Variants in HDX observed in about 807,000 individuals in gnomAD.
The protein encoded by HDX is chromosome X open reading frame 43.
A neutral mutation model predicts 45.2 loss-of-function variants in HDX; 19 were observed. The observed-to-expected ratio is 0.42, with a 90% CI of 0.29 to 0.62. The LOEUF is 0.62. HDX is among the 20% of genes least tolerant of loss of function. The pLI is 0.20. For synonymous variants in HDX, 188 were observed against 172.8 expected (o/e 1.09, Z -0.69); for missense variants, 532 against 493.9 (o/e 1.08, Z -0.73).
At chrX:84,429,873 T>A (rs747228408) in intron 5 of HDX, among the ~76,000 whole-genome samples, 11 of 110,536 alleles carry the variant, frequency 1.0e-4, no homozygotes, top group Middle Eastern at 4.7e-3. Flanking sequence ...GACAATTTTT[T>A]AAAAAAACTA....
chrX:84,498,120 A>G (rs916893019), intron 1 of HDX, among the ~76,000 whole-genome samples: 20 of 111,590 alleles, frequency 1.8e-4, no homozygotes, highest in African/African-American at 6.5e-4. Context: ...TAGTTGTTAA[A>G]TAATAGGACA....
chrX:84,323,149 GAC>G (rs2036633154), intron 10 of HDX, among the ~76,000 whole-genome samples: 1 of 111,110 alleles, frequency 9.0e-6, no homozygotes, highest in East Asian at 2.8e-4. Context: ...TGTAAGGGAA[GAC>G]TAACCCCTAT....
intron 5 of HDX, among the ~76,000 whole-genome samples, chrX:84,401,418 CA>C: frequency 8.9e-6 from 1 of 111,892 alleles, no homozygotes. Flanking sequence ...AAACACTTCT[CA>C]AAAGAAGACA....
Position 84,336,779 on chromosome X carries a change from AAG to A in HDX, c.1740+20_1740+21del. The A allele has an allele frequency of 9.8e-7, 1 of 1,017,156 alleles. No homozygotes were observed. Among genetic ancestry groups the A allele is most frequent in the Non-Finnish European group, 1.4e-6 (1 of 731,379 alleles). 83.8% of individuals were successfully genotyped at this position (1,017,156 alleles called of 1,213,427 possible). ...CTTGAAATCAACCATGTAATGAGAAAAGAATTTCAAACTGTACATACCACATT... is the reference window on the plus strand; with the variant it reads ...CTTGAAATCAACCATGTAATGAGAAAAATTTCAAACTGTACATACCACATT... On this transcript the variant is annotated intron_variant, in intron 8 of 10. Transcript: ENST00000373177.
chrX:84,428,987 T>G (rs1390960539), intron 5 of HDX, among the ~76,000 whole-genome samples: 2 of 110,708 alleles, frequency 1.8e-5, no homozygotes, highest in Non-Finnish European at 3.8e-5. Context: ...TCCACTGAAC[T>G]GAATTCACAA....
chrX:84,413,221 T>C (rs2039027888), intron 5 of HDX, among the ~76,000 whole-genome samples: 1 of 112,337 alleles, frequency 8.9e-6, no homozygotes, highest in Non-Finnish European at 1.9e-5. Flanking sequence ...TAAGACACTC[T>C]GGCTTTTTGA....
intron 5 of HDX, among the ~76,000 whole-genome samples, chrX:84,427,370 T>C (rs2148026853): frequency 9.0e-6 from 1 of 111,285 alleles, no homozygotes; most frequent in South Asian, 3.7e-4. Context: ...TGTTTTGATA[T>C]CTGTATGCAC....
At chrX:84,423,641 A>G (rs59392857) in intron 5 of HDX, among the ~76,000 whole-genome samples, 12,632 of 111,236 alleles carry the variant, frequency 0.11, 627 homozygotes, top group South Asian at 0.28. Flanking sequence ...TACCCCTAAG[A>G]TGCAAGGGTG....
chrX:84,426,858 T>A (rs965457943), intron 5 of HDX, among the ~76,000 whole-genome samples: 1 of 110,742 alleles, frequency 9.0e-6, no homozygotes, highest in Non-Finnish European at 1.9e-5. Context: ...ATTGCTTGAG[T>A]GTAGTAATCA....
intron 4 of HDX, among the ~76,000 whole-genome samples, chrX:84,467,831 T>C (rs2040382365): frequency 9.0e-6 from 1 of 111,529 alleles, no homozygotes; most frequent in African/African-American, 3.3e-5. Context: ...CAATTGAATA[T>C]ATGAAACAGT....
intron 4 of HDX, among the ~76,000 whole-genome samples, chrX:84,460,564 C>T (rs185015112): frequency 3.1e-4 from 34 of 111,199 alleles, no homozygotes; most frequent in African/African-American, 1.1e-3. Context: ...CATTAAAAAC[C>T]ATATATGACA....
chrX:84,404,086 T>C (rs772653739), intron 5 of HDX: 4 of 111,369 alleles, frequency 3.6e-5, no homozygotes, highest in Non-Finnish European at 5.7e-5. Flanking sequence ...TGAATCAGAC[T>C]GGTAATCTCA....
intron 5 of HDX, among the ~76,000 whole-genome samples, chrX:84,386,682 G>A (rs2038327596): frequency 9.0e-6 from 1 of 111,086 alleles, no homozygotes; most frequent in South Asian, 3.8e-4. Context: ...TATTTCTGTG[G>A]GATCAGTTGT....
At chrX:84,471,840 G>A (rs913330157) in intron 3 of HDX, among the ~76,000 whole-genome samples, 1 of 110,106 alleles carries the variant, frequency 9.1e-6, no homozygotes, top group African/African-American at 3.3e-5. Context: ...GAGACAGGGA[G>A]AAAAACTAAA....
intron 3 of HDX, among the ~76,000 whole-genome samples, chrX:84,474,193 G>A (rs1289609154): frequency 8.9e-6 from 1 of 111,866 alleles, no homozygotes. Flanking sequence ...TCGGGAGGCT[G>A]AGGCAGGAGA....
At chrX:84,453,241 ATCT>A (rs1413058425) in intron 4 of HDX, among the ~76,000 whole-genome samples, 1 of 112,322 alleles carries the variant, frequency 8.9e-6, no homozygotes, top group Non-Finnish European at 1.9e-5. Context: ...ACACACACAA[ATCT>A]TCATAAGAAC....
At chrX:84,478,808 A>C (rs974750546) in intron 2 of HDX, among the ~76,000 whole-genome samples, 2 of 111,173 alleles carry the variant, frequency 1.8e-5, no homozygotes, top group African/African-American at 6.5e-5. Context: ...ACAGTGAGCT[A>C]TGACTGCACC....
intron 5 of HDX, among the ~76,000 whole-genome samples, chrX:84,409,895 GA>G (rs750298548): frequency 2.8e-5 from 3 of 105,315 alleles, no homozygotes; most frequent in African/African-American, 1.0e-4. Flanking sequence ...TAAAAAAAAA[GA>G]AAAAAAATTA....
At chrX:84,444,066 C>T (rs1303224633) in intron 4 of HDX, among the ~76,000 whole-genome samples, 1 of 110,963 alleles carries the variant, frequency 9.0e-6, no homozygotes. Context: ...AAAATTACAT[C>T]TACTTGTGAA....
Sources: gnomAD v4.1 joint callset for allele counts (sites outside exome capture counted in the v4.1 genomes callset) on GRCh38, gnomAD v4.1.1 for gene constraint, MANE v1.5 for transcripts, NCBI Gene and HGNC (gene_info 2026-07-23, HGNC 2026-07-21) for gene names.